PCOLCE2: variants seen among roughly 807,000 people sequenced by gnomAD.
PCOLCE2 encodes the protein procollagen C-proteinase enhancer 2.
Under a neutral mutation model 47.0 loss-of-function variants are expected in PCOLCE2, and 42 were observed. The ratio of observed to expected loss-of-function variants is 0.89; its 90% CI spans 0.70 to 1.16. The LOEUF is 1.16. Among genes scored for constraint, PCOLCE2 ranks in the 50% most tolerant of loss-of-function variants. The probability of loss-of-function intolerance (pLI) is 0.00; values close to 1 mark genes in which losing one functional copy is unlikely to be tolerated. For missense variants in PCOLCE2, 500 were observed against 526.1 expected (o/e 0.95, Z 0.49); for synonymous variants, 169 against 191.7 (o/e 0.88, Z 0.98).
intron 7 of PCOLCE2, among the ~76,000 whole-genome samples, 156 bp downstream of exon 7, chr3:142,823,376 A>T (rs1937036349): frequency 6.6e-6 from 1 of 152,236 alleles, no homozygotes; most frequent in African/African-American, 2.4e-5. Context: ...GTGAAATCTA[A>T]CAATTTGACC....
rs755563896 is a variant in PCOLCE2, at chr3:142,842,915, G to T, written c.573+9C>A. The T allele has an allele frequency of 6.2e-7, 1 of 1,613,824 alleles. No individual in the cohort carries two copies. On this transcript the variant is annotated intron_variant, in intron 4 of 8. Transcript: ENST00000295992. The surrounding 1 kb of genome is among the most constrained non-coding windows in gnomAD (Gnocchi z 4.1). ...TGCATGCTTTCTTCACACTTCCAGG[G>T]AATCTCACCTGATTCTTTGGGGCTA...
chr3:142,869,030 G>A lies in PCOLCE2; in HGVS notation c.192+18639C>T, dbSNP rs111293576. Among the ~76,000 whole-genome samples the A allele has an allele frequency of 1.5e-4, 23 of 152,224 alleles. No homozygotes were observed. The East Asian group carries it at 3.1e-3, about 20-fold the overall frequency. Reference sequence around the variant, plus strand: ...ACCTTGGCCGGGTGCGGTGGCTCACGCCTGTAATCCCAGCACTTTGGGAGG... The same window carrying A: ...ACCTTGGCCGGGTGCGGTGGCTCACACCTGTAATCCCAGCACTTTGGGAGG... On this transcript the variant is annotated intron_variant, in intron 2 of 8. Transcript: ENST00000295992.
At chr3:142,847,579 C>T (rs1937341016) in intron 3 of PCOLCE2, among the ~76,000 whole-genome samples, 1 of 152,130 alleles carries the variant, frequency 6.6e-6, no homozygotes, top group Non-Finnish European at 1.5e-5. Context: ...CAACAACACC[C>T]AGGCTGCAGC....
At chr3:142,887,589 A>C in intron 2 of PCOLCE2, 80 bp downstream of exon 2, 1 of 742,808 alleles carries the variant, frequency 1.3e-6, no homozygotes, top group South Asian at 1.6e-5. Flanking sequence ...TCAAATCCTA[A>C]CACCAGAGGA....
chr3:142,866,528 T>C (rs903973485), intron 2 of PCOLCE2, among the ~76,000 whole-genome samples: 3 of 152,188 alleles, frequency 2.0e-5, no homozygotes, highest in African/African-American at 7.2e-5. Context: ...ATATTTTGAC[T>C]GTTTCTCTGG....
At chr3:142,854,191 G>A (rs1197450489) in intron 2 of PCOLCE2, among the ~76,000 whole-genome samples, 1 of 130,784 alleles carries the variant, frequency 7.6e-6, no homozygotes, top group Non-Finnish European at 1.7e-5. Context: ...TGATCAAAAA[G>A]AACTGTTTTT....
chr3:142,853,826 G>A (rs1167608605), intron 2 of PCOLCE2, among the ~76,000 whole-genome samples: 1 of 152,136 alleles, frequency 6.6e-6, no homozygotes, highest in Non-Finnish European at 1.5e-5. Context: ...ATATTGATTT[G>A]GGGATTCATT....
At chr3:142,820,323 T>C (rs1936999297) in intron 8 of PCOLCE2, among the ~76,000 whole-genome samples, 1 of 152,216 alleles carries the variant, frequency 6.6e-6, no homozygotes, top group Non-Finnish European at 1.5e-5. Context: ...TTTCAACTTT[T>C]TAAAAACCAT....
Position 142,838,807 on chromosome 3 carries a change from T to C in PCOLCE2, c.673A>G (p.Arg225Gly). The C allele has an allele frequency of 6.2e-7, 1 of 1,613,942 alleles. No individual in the cohort carries two copies. The highest frequency in any genetic ancestry group is 8.5e-7 in the Non-Finnish European group (1 of 1,179,856). The part of the protein sequence containing the change: ...VFNGGEVNDA[R>G]RIGKYCGDSP... ...TCACCACAATACTTTCCAATTCTTC[T>C]AGCATCGTTGACTTCCCCGCCATTA... The change falls in exon 5 of 9, where the codon AGA becomes GGA. Residue 225 changes from arginine (R) to glycine (G), a missense_variant. Arg to Gly is a moderately radical substitution (Grantham distance 125, BLOSUM62 -2). Coordinates refer to ENST00000295992, the MANE Select transcript of PCOLCE2 (RefSeq NM_013363.4).
chr3:142,836,903 G>A (rs934292714), intron 5 of PCOLCE2, among the ~76,000 whole-genome samples: 20 of 152,302 alleles, frequency 1.3e-4, no homozygotes, highest in African/African-American at 4.8e-4. Flanking sequence ...AATAGGGTGT[G>A]TAGTCCCCAA....
intron 2 of PCOLCE2, among the ~76,000 whole-genome samples, chr3:142,852,900 T>C (rs1932978833): frequency 6.6e-6 from 1 of 150,740 alleles, no homozygotes; most frequent in African/African-American, 2.4e-5. Context: ...AGTCCAGGAG[T>C]TAAAGACCAG....
chr3:142,837,581 G>A (rs1029338190), intron 5 of PCOLCE2, among the ~76,000 whole-genome samples: 1 of 152,246 alleles, frequency 6.6e-6, no homozygotes, highest in African/African-American at 2.4e-5. Context: ...GAGTAGAAAA[G>A]GGTATTTAAA....
chr3:142,882,617 C>T (rs1004847170), intron 2 of PCOLCE2, among the ~76,000 whole-genome samples: 3 of 151,266 alleles, frequency 2.0e-5, no homozygotes, highest in African/African-American at 4.9e-5. Flanking sequence ...CACTCTGTCG[C>T]CCAGCCTGGA....
At chr3:142,858,537 T>C (rs1475883601) in intron 2 of PCOLCE2, among the ~76,000 whole-genome samples, 1 of 152,172 alleles carries the variant, frequency 6.6e-6, no homozygotes, top group Non-Finnish European at 1.5e-5. Flanking sequence ...TGTGCGTGTG[T>C]ATATCAAACT....
At chr3:142,856,109 C>A (rs1452478193) in intron 2 of PCOLCE2, among the ~76,000 whole-genome samples, 2 of 152,184 alleles carry the variant, frequency 1.3e-5, no homozygotes, top group Non-Finnish European at 2.9e-5. Flanking sequence ...CAAGCCAACA[C>A]AGGCTGTGTG....
At chr3:142,818,595 C>A in intron 8 of PCOLCE2, 130 bp from the exon 9 acceptor site, 1 of 731,636 alleles carries the variant, frequency 1.4e-6, no homozygotes, top group Non-Finnish European at 2.3e-6. Flanking sequence ...ATTCCATCCA[C>A]GATAAAATCT....
Position 142,843,041 on chromosome 3 carries a change from CT to C in PCOLCE2, c.455del (p.Gln152ArgfsTer35), listed in dbSNP as rs1937283090. 1 of 1,613,702 alleles carries C rather than the reference CT, an allele frequency of 6.2e-7. No homozygotes were observed. The highest frequency in any genetic ancestry group is 8.5e-7 in the Non-Finnish European group (1 of 1,179,768). On this transcript the variant is annotated frameshift_variant, in exon 4 of 9. Transcript: ENST00000295992. LOFTEE classifies it high-confidence loss of function. ...GTCTGTCAAGGAGTCCTCCACAATA[CT>C]GATCCCCTTCAAGTATTAAACAAGG... ...SAAEPNERGD[Q>X]YCGGLLDRPS...
intron 2 of PCOLCE2, among the ~76,000 whole-genome samples, chr3:142,855,173 C>T (rs939465942): frequency 5.9e-5 from 9 of 152,318 alleles, no homozygotes; most frequent in African/African-American, 1.9e-4. Context: ...TCACTTAGAT[C>T]ACACAGCCCT....
At position 142,848,444 on chromosome 3, in the gene PCOLCE2, T is replaced by C. The variant is rs917519830; in HGVS notation, c.221A>G (p.Asn74Ser). 3 of 1,601,224 alleles carry C rather than the reference T, an allele frequency of 1.9e-6. No individual in the cohort carries two copies. Among genetic ancestry groups the C allele is most frequent in the Non-Finnish European group, 1.7e-6 (2 of 1,169,750 alleles). ...TVPEGKVVVLNFRFIDLESDN... is the reference protein window; with the variant it reads ...TVPEGKVVVLSFRFIDLESDN... Reference sequence around the variant, plus strand: ...ACTCTCGAGGTCTATGAATCGGAAATTGAGAACGACTACTTTTCCTTCGGG... The same window carrying C: ...ACTCTCGAGGTCTATGAATCGGAAACTGAGAACGACTACTTTTCCTTCGGG... The change falls in exon 3 of 9, where the codon AAT (asparagine) becomes AGT (serine). Residue 74 changes from asparagine to serine, a missense_variant. Asn to Ser is a conservative substitution (Grantham distance 46). Transcript: ENST00000295992.
Sources: gnomAD v4.1 joint callset for allele counts (sites outside exome capture counted in the v4.1 genomes callset) on GRCh38, gnomAD v4.1.1 for gene constraint, Gnocchi (gnomAD v3.1) non-coding constraint, MANE v1.5 for transcripts, NCBI Gene and HGNC (gene_info 2026-07-23, HGNC 2026-07-21) for gene names.